The following KNL1 variants were observed in gnomAD, a reference collection of about 807,000 sequenced individuals.
The protein encoded by KNL1 is outer kinetochore KNL1 complex subunit KNL1.
In KNL1, 66 loss-of-function variants were observed where a neutral mutation model predicts 201.3. That is an observed-to-expected ratio of 0.33 (90% CI 0.27 to 0.40). The LOEUF is 0.40. KNL1 is among the 10% of genes least tolerant of loss of function. KNL1 has a pLI of 1.00. For missense variants in KNL1, 2,815 were observed against 2,690.5 expected (o/e 1.05, Z -1.02); for synonymous variants, 895 against 899.2 (o/e 1.00, Z 0.08).
At chr15:40,600,813 C>A (rs983218800) in intron 1 of KNL1, among the ~76,000 whole-genome samples, 4 of 152,006 alleles carry the variant, frequency 2.6e-5, no homozygotes, top group African/African-American at 9.7e-5. Flanking sequence ...TATAGGGAGG[C>A]AGGAACTGAG....
rs910316252 is a variant in KNL1 at position 40,625,526 on chromosome 15, A to G, written c.5262A>G (p.Gly1754=). 2 of 1,610,276 alleles carry G rather than the reference A, an allele frequency of 1.2e-6. No homozygotes were observed. Among genetic ancestry groups the G allele is most frequent in the Non-Finnish European group, 1.7e-6 (2 of 1,179,138 alleles). Residue 1754 remains glycine, a synonymous_variant, in exon 10 of 26, where the codon GGA becomes GGG. Transcript: ENST00000399668. ...TTTCACCATATGAAAATAAAATGGG[A>G]AAAACTTGCAATAGCCAAAAAAGAA... is the stretch of plus-strand genomic sequence containing the variant. ...KEISPYENKM[G]KTCNSQKRTW... is the part of the protein sequence containing the mutation.
intron 19 of KNL1, among the ~76,000 whole-genome samples, chr15:40,650,921 T>A (rs1426544707): frequency 6.6e-6 from 1 of 152,276 alleles, no homozygotes; most frequent in Non-Finnish European, 1.5e-5. Context: ...TAAAAGAAAG[T>A]AAATAGAAAT....
intron 8 of KNL1, among the ~76,000 whole-genome samples, chr15:40,616,118 ATTAC>A (rs978729157): frequency 1.2e-4 from 15 of 128,788 alleles, no homozygotes; most frequent in Admixed American, 4.0e-4. Context: ...CAGGCTCACT[ATTAC>A]TTCTTTTTTT....
chr15:40,610,011 A>G (rs1892102234), intron 5 of KNL1, among the ~76,000 whole-genome samples: 1 of 152,140 alleles, frequency 6.6e-6, no homozygotes, highest in Admixed American at 6.6e-5. Flanking sequence ...TGCAATCTAG[A>G]CTGGGCAACA....
intron 21 of KNL1, among the ~76,000 whole-genome samples, chr15:40,653,073 G>A (rs62019915): frequency 0.015 from 2,329 of 152,206 alleles, 34 homozygotes; most frequent in Middle Eastern, 0.048. Flanking sequence ...AATGAATAGC[G>A]TTACCTTCTG....
chr15:40,624,761 TGCTGCA>T lies in KNL1; in HGVS notation c.4500_4505del (p.Ala1501_Ala1502del). On this transcript the variant is annotated inframe_deletion, in exon 10 of 26. Coordinates refer to ENST00000399668, the MANE Select transcript of KNL1 (RefSeq NM_144508.5). Reference sequence around the variant, plus strand: ...AAATACTCAATAGTGAGGAATGGTTTGCTGCAGCCTGTAAAAAAGAACTGAAGGAAA... The same window carrying T: ...AAATACTCAATAGTGAGGAATGGTTTGCCTGTAAAAAAGAACTGAAGGAAA... The T allele has an allele frequency of 6.2e-7, 1 of 1,613,900 alleles. No individual in the cohort carries two copies.
chr15:40,594,869 G>C (rs1374701292), intron 1 of KNL1, among the ~76,000 whole-genome samples: 1 of 152,254 alleles, frequency 6.6e-6, no homozygotes, highest in Non-Finnish European at 1.5e-5. Context: ...TCTGCTCGGA[G>C]TGCTGGCCGC....
chr15:40,614,101 C>CT (rs35400027), intron 7 of KNL1, among the ~76,000 whole-genome samples: 46,417 of 132,436 alleles, frequency 0.35, 8,418 homozygotes, highest in Middle Eastern at 0.47. Flanking sequence ...CCTGGCCCCC[C>CT]TTTTTTTTTT....
chr15:40,652,633 T>C (rs929776764), intron 21 of KNL1, among the ~76,000 whole-genome samples: 4 of 151,546 alleles, frequency 2.6e-5, no homozygotes, highest in African/African-American at 9.7e-5. Context: ...GAGCTGGGCA[T>C]GCACCTGTAA....
In KNL1 at chr15:40,622,276, A is replaced by C. The variant is rs201277974; in HGVS notation, c.2012A>C (p.Asn671Thr). The change falls in exon 10 of 26, where the codon AAT (asparagine) becomes ACT (threonine). Residue 671 changes from asparagine (N) to threonine (T), a missense_variant. Physicochemically the swap from Asn to Thr is moderately conservative, Grantham distance 65. Coordinates refer to ENST00000399668, the MANE Select transcript of KNL1 (RefSeq NM_144508.5). ...DCNQEIATSH[N>T]IVYCGGVLDK... is the part of the protein sequence containing the mutation. ...AATCAGGAGATAGCAACAAGCCATA[A>C]TATAGTCTACTGTGGTGGAGTTCTT... 105 of 1,614,062 alleles carry C rather than the reference A, an allele frequency of 6.5e-5. No individual in the cohort carries two copies. In the East Asian group the frequency reaches 2.3e-3, roughly 36 times the overall value.
Position 40,617,975 on chromosome 15 carries a change from T to TAAAAAAAAAAAAAAA in KNL1, c.323-959_323-945dup, listed in dbSNP as rs71104706. ...CCTGAAATATAAATAAGGCTTTTAG[T>TAAAAAAAAAAAAAAA]AAAAAAAAAAAAAAAAAAAAAAAAA... On this transcript the variant is annotated intron_variant, in intron 8 of 25. Transcript: ENST00000399668. Among the ~76,000 whole-genome samples the TAAAAAAAAAAAAAAA allele has an allele frequency of 4.7e-4, 22 of 47,230 alleles. 3 individuals carry two copies. The highest frequency in any genetic ancestry group is 5.8e-4 in the Non-Finnish European group (17 of 29,534). The allele number at this position is 47,230 out of a possible 152,430, so 31.0% of individuals were successfully genotyped here.
In KNL1 at chr15:40,657,379, G is replaced by T; in HGVS notation, c.6619G>T (p.Val2207Leu). The change falls in exon 24 of 26, where the codon GTG (valine) becomes TTG (leucine). Residue 2207 changes from valine (V) to leucine (L), a missense_variant. Val to Leu is a conservative substitution (Grantham distance 32). Around this residue, in one of 3 missense-constraint regions of KNL1, gnomAD observed 334 missense variants for 362.6 expected, o/e 0.92. Coordinates refer to ENST00000399668, the MANE Select transcript of KNL1 (RefSeq NM_144508.5). ...PKMLEEFSLV[V>L]HHCRLLGEEI... ...GATGCTTGAAGAATTCTCACTGGTA[G>T]TGCACCATTGCAGACTCCTTGGAGA... is the stretch of plus-strand genomic sequence containing the variant. The T allele has an allele frequency of 6.2e-7, 1 of 1,606,644 alleles. No individual in the cohort carries two copies. Among genetic ancestry groups the T allele is most frequent in the Non-Finnish European group, 8.5e-7 (1 of 1,173,242 alleles).
intron 21 of KNL1, among the ~76,000 whole-genome samples, chr15:40,653,811 G>C (rs1394500178): frequency 1.3e-5 from 2 of 152,084 alleles, no homozygotes; most frequent in African/African-American, 4.8e-5. Flanking sequence ...GGTGTTTCCT[G>C]CTCAGCCATA....
chr15:40,646,782 G>A (rs372886656), intron 16 of KNL1: 18 of 310,384 alleles, frequency 5.8e-5, no homozygotes, highest in Middle Eastern at 9.8e-4. Flanking sequence ...GCATGAACCC[G>A]GGAGGCGGAG....
intron 7 of KNL1, among the ~76,000 whole-genome samples, chr15:40,614,915 T>C (rs1892291890): frequency 6.6e-6 from 1 of 152,116 alleles, no homozygotes; most frequent in African/African-American, 2.4e-5. Flanking sequence ...TTTATTTTTT[T>C]GAGATGGGGT....
chr15:40,657,617 C>G (rs1056601988), intron 24 of KNL1, 144 bp downstream of exon 24: 2 of 567,344 alleles, frequency 3.5e-6, no homozygotes, highest in Non-Finnish European at 6.3e-6. Flanking sequence ...TCCATGCCTT[C>G]TCCCAGTGTC....
chr15:40,604,477 G>T (rs566023315), intron 2 of KNL1, among the ~76,000 whole-genome samples: 16 of 152,294 alleles, frequency 1.1e-4, no homozygotes, highest in Non-Finnish European at 2.2e-4. Context: ...CTCCTGAATA[G>T]CTGGAAGTAT....
chr15:40,624,175 G>T lies in KNL1; in HGVS notation c.3911G>T (p.Cys1304Phe). 6.2e-7 allele frequency: 1 copy of T among 1,613,972 alleles called. No individual in the cohort carries two copies. The highest frequency in any genetic ancestry group is 1.3e-5 in the African/African-American group (1 of 75,046). The change falls in exon 10 of 26, where the codon TGT becomes TTT. Residue 1304 changes from cysteine (C) to phenylalanine (F), a missense_variant. Transcript: ENST00000399668. ...AVCGSSDNYS[C>F]LPNVISCTDN... ...TGTGGATCCAGTGATAATTATTCCT[G>T]TTTACCAAATGTTATTTCCTGTACT...
chr15:40,632,210 A>ACCCCCCCCCCCCCCCC (rs34274284), intron 13 of KNL1, among the ~76,000 whole-genome samples: 2 of 131,712 alleles, frequency 1.5e-5, no homozygotes, highest in East Asian at 2.1e-4. Context: ...ACATAGCGAG[A>ACCCCCCCCCCCCCCCC]CCCCCCCCCA....
Sources: allele counts gnomAD v4.1 joint callset (sites outside exome capture counted in the v4.1 genomes callset), GRCh38; gene constraint gnomAD v4.1.1; regional missense constraint gnomAD v4.1.1; transcripts MANE v1.5; gene names NCBI Gene and HGNC (gene_info 2026-07-23, HGNC 2026-07-21).